The following IMMP2L variants were observed in gnomAD, a reference collection of about 807,000 sequenced individuals.
The protein encoded by IMMP2L is inner mitochondrial membrane peptidase subunit 2.
IMMP2L carries 18 observed loss-of-function variants against 19.3 expected under a neutral mutation model. The observed-to-expected ratio is 0.93, with a 90% CI of 0.64 to 1.38. IMMP2L has a LOEUF of 1.38. Ranked by LOEUF, IMMP2L falls within the 40% of genes most tolerant of loss-of-function variation. The pLI is 0.00. For synonymous variants in IMMP2L, 76 were observed against 73.0 expected, an observed-to-expected ratio of 1.04 and a Z score of -0.21; for missense variants, 233 against 218.2, an observed-to-expected ratio of 1.07 and a Z score of -0.43.
chr7:110,885,483 T>C (rs371075534), intron 5 of IMMP2L, among the ~76,000 whole-genome samples: 1 of 152,002 alleles, frequency 6.6e-6, no homozygotes, highest in African/African-American at 2.4e-5. Flanking sequence ...TTCTTCACTT[T>C]ATATTATAAG....
At chr7:111,525,994 C>CA (rs1464708153) in intron 1 of IMMP2L, among the ~76,000 whole-genome samples, 1 of 151,954 alleles carries the variant, frequency 6.6e-6, no homozygotes. Flanking sequence ...CCCCCACCCC[C>CA]AAAAAATGGC....
intron 1 of IMMP2L, among the ~76,000 whole-genome samples, chr7:111,529,478 C>A (rs963688194): frequency 7.2e-5 from 11 of 152,128 alleles, no homozygotes; most frequent in African/African-American, 2.7e-4. Flanking sequence ...CTCTTTAGAA[C>A]ATGAATACCA....
At chr7:111,462,711 C>T (rs1044345424) in intron 3 of IMMP2L, among the ~76,000 whole-genome samples, 3 of 151,914 alleles carry the variant, frequency 2.0e-5, no homozygotes, top group Non-Finnish European at 2.9e-5. Context: ...TAACTAAAAC[C>T]CTATCATGTC....
chr7:110,840,576 T>C (rs1447483908), intron 5 of IMMP2L, among the ~76,000 whole-genome samples: 1 of 152,056 alleles, frequency 6.6e-6, no homozygotes, highest in Non-Finnish European at 1.5e-5. Flanking sequence ...AGGTAGAAAA[T>C]TACATGGAAT....
At chr7:110,825,975 T>G (rs1476816540) in intron 5 of IMMP2L, among the ~76,000 whole-genome samples, 1 of 151,948 alleles carries the variant, frequency 6.6e-6, no homozygotes, top group Non-Finnish European at 1.5e-5. Context: ...TAGAAAGTAC[T>G]CAAACAAATT....
intron 4 of IMMP2L, among the ~76,000 whole-genome samples, chr7:110,946,156 C>G (rs984971164): frequency 6.6e-6 from 1 of 152,086 alleles, no homozygotes; most frequent in Non-Finnish European, 1.5e-5. Flanking sequence ...TTTCTGGGCC[C>G]CATCTCCAAA....
At chr7:110,717,582 C>T (rs962153520) in intron 5 of IMMP2L, among the ~76,000 whole-genome samples, 1 of 152,220 alleles carries the variant, frequency 6.6e-6, no homozygotes, top group Non-Finnish European at 1.5e-5. Context: ...CTACTTGGAA[C>T]ACAGTACATG....
intron 5 of IMMP2L, among the ~76,000 whole-genome samples, chr7:110,685,557 GTTATGCCC>G (rs888835436): frequency 1.3e-5 from 2 of 152,112 alleles, no homozygotes; most frequent in African/African-American, 4.8e-5. Context: ...TGAACTAGGA[GTTATGCCC>G]TTGAGAAAAA....
At chr7:111,541,382 G>A (rs1421981996) in intron 1 of IMMP2L, among the ~76,000 whole-genome samples, 2 of 152,120 alleles carry the variant, frequency 1.3e-5, no homozygotes, top group East Asian at 1.9e-4. Context: ...GGGTAGTTGG[G>A]TAATATGGGA....
rs140624351 is a variant in IMMP2L, at chr7:110,863,180, C to A, written c.408+23413G>T. Among the ~76,000 whole-genome samples the A allele has an allele frequency of 9.5e-3, 1,453 of 152,222 alleles. 13 individuals are homozygous for A. The highest frequency in any genetic ancestry group is 0.016 in the Non-Finnish European group (1,102 of 68,004). On this transcript the variant is annotated intron_variant, in intron 5 of 5. Transcript: ENST00000405709. ...TCAGACCCTCCACAGCTCTTGTCAA[C>A]CTCCAAATCTCAGGGGTTTATAATA...
chr7:111,281,088 G>GAGAGAGAAAGAGAGAAAGAGAGAA (rs1324133662), intron 3 of IMMP2L, among the ~76,000 whole-genome samples: 2 of 35,788 alleles, frequency 5.6e-5, no homozygotes, highest in Non-Finnish European at 1.0e-4. Context: ...AAGAAGGAAA[G>GAGAGAGAAAGAGAGAAAGAGAGAA]AGAGAGAAAG....
chr7:111,354,396 A>C (rs1422071025), intron 3 of IMMP2L, among the ~76,000 whole-genome samples: 1 of 151,956 alleles, frequency 6.6e-6, no homozygotes, highest in East Asian at 1.9e-4. Context: ...GTAAACAAAC[A>C]GCAACCGACA....
In IMMP2L at chr7:111,281,194, GAA is replaced by G. The variant is rs753468201; in HGVS notation, c.239+206042_239+206043del. 3.6e-3 allele frequency among the ~76,000 whole-genome samples: 186 copies of G among 52,328 alleles called. 10 individuals are homozygous for G. The highest frequency in any genetic ancestry group is 0.012 in the African/African-American group (178 of 14,474). 34.3% of individuals were successfully genotyped at this position (52,328 alleles called of 152,430 possible). On this transcript the variant is annotated intron_variant, in intron 3 of 5. Coordinates refer to ENST00000405709, the MANE Select transcript of IMMP2L (RefSeq NM_032549.4). The stretch of plus-strand genomic sequence containing the variant: ...AGAAAGAAAGAAAGAAAGAAAGAAA[GAA>G]AGAAAGAAAGAAAGAAAGAAAAAGA...
intron 5 of IMMP2L, among the ~76,000 whole-genome samples, chr7:110,822,953 A>G (rs141253419): frequency 6.5e-4 from 99 of 152,210 alleles, no homozygotes; most frequent in Non-Finnish European, 1.3e-3. Flanking sequence ...TGGCATAGAG[A>G]AGGCACTCAA....
chr7:111,210,211 C>T (rs1043160362), intron 3 of IMMP2L, among the ~76,000 whole-genome samples: 1 of 152,082 alleles, frequency 6.6e-6, no homozygotes, highest in South Asian at 2.1e-4. Flanking sequence ...TAGGAAGAGA[C>T]CCCTGATAGG....
At chr7:110,730,075 A>T (rs1334474107) in intron 5 of IMMP2L, among the ~76,000 whole-genome samples, 3 of 152,160 alleles carry the variant, frequency 2.0e-5, no homozygotes, top group Non-Finnish European at 4.4e-5. Context: ...ATGAAAGATT[A>T]AACATGAAAG....
At chr7:111,400,774 G>A (rs1053456299) in intron 3 of IMMP2L, among the ~76,000 whole-genome samples, 5 of 152,050 alleles carry the variant, frequency 3.3e-5, no homozygotes, top group African/African-American at 1.2e-4. Flanking sequence ...CTTTGGAAAT[G>A]CGTATGACAT....
intron 4 of IMMP2L, among the ~76,000 whole-genome samples, chr7:110,909,356 C>G (rs258997): frequency 0.49 from 74,783 of 151,916 alleles, 19,149 homozygotes; most frequent in East Asian, 0.8. Flanking sequence ...CGACAAGAGA[C>G]ATGAGTTCAT....
chr7:111,281,138 GAC>G (rs879510972), intron 3 of IMMP2L, among the ~76,000 whole-genome samples: 17,545 of 88,706 alleles, frequency 0.2, 2,141 homozygotes, highest in South Asian at 0.37. Context: ...AAGAGAGAAA[GAC>G]AGAAAGACAG....
Sources: allele counts gnomAD v4.1 joint callset (sites outside exome capture counted in the v4.1 genomes callset), GRCh38; gene constraint gnomAD v4.1.1; transcripts MANE v1.5; gene names NCBI Gene and HGNC (gene_info 2026-07-23, HGNC 2026-07-21).